NPAS3: variants seen among roughly 807,000 people sequenced by gnomAD.
NPAS3 encodes neuronal PAS domain protein 3, also known as neuronal PAS domain-containing protein 3.
Under a neutral mutation model 73.1 loss-of-function variants are expected in NPAS3, and 14 were observed. The ratio of observed to expected loss-of-function variants is 0.19; its 90% CI spans 0.13 to 0.30. NPAS3 has a LOEUF of 0.30. NPAS3 is among the 10% of genes least tolerant of loss of function. NPAS3 has a pLI of 1.00. For synonymous variants in NPAS3, 620 were observed against 541.5 expected (o/e 1.14, Z -2.01); for missense variants, 1,096 against 1,250.0 (o/e 0.88, Z 1.86).
intron 1 of NPAS3, among the ~76,000 whole-genome samples, chr14:33,009,776 G>T (rs374671503): frequency 6.6e-6 from 1 of 152,172 alleles, no homozygotes; most frequent in African/African-American, 2.4e-5. Context: ...AGAACATGTG[G>T]CTGGTGAGTG....
chr14:33,693,225 T>C (rs1035355360), intron 6 of NPAS3, among the ~76,000 whole-genome samples: 3 of 152,230 alleles, frequency 2.0e-5, no homozygotes, highest in African/African-American at 4.8e-5. Flanking sequence ...TTTGTTACCA[T>C]TGTTATTCCT....
chr14:33,561,321 G>A (rs970434402), intron 5 of NPAS3, among the ~76,000 whole-genome samples: 1 of 152,188 alleles, frequency 6.6e-6, no homozygotes, highest in South Asian at 2.1e-4. Context: ...GAAAATAATA[G>A]AGAGAGAGAT....
At chr14:33,274,907 T>C (rs1464802278) in intron 3 of NPAS3, among the ~76,000 whole-genome samples, 2 of 152,232 alleles carry the variant, frequency 1.3e-5, no homozygotes, top group Admixed American at 1.3e-4. Flanking sequence ...CTTTTATCAT[T>C]TCATTAGTTG....
At chr14:33,178,937 C>A (rs1386463152) in intron 2 of NPAS3, among the ~76,000 whole-genome samples, 7 of 152,140 alleles carry the variant, frequency 4.6e-5, no homozygotes, top group Non-Finnish European at 8.8e-5. Flanking sequence ...GAGTGTGATG[C>A]TAGCTGCACA....
intron 4 of NPAS3, among the ~76,000 whole-genome samples, chr14:33,449,175 G>A (rs1025297192): frequency 2.6e-5 from 4 of 151,926 alleles, no homozygotes; most frequent in African/African-American, 7.3e-5. Flanking sequence ...ACATTCACCC[G>A]AGTGATAAGG....
intron 3 of NPAS3, among the ~76,000 whole-genome samples, chr14:33,312,504 A>G (rs1011025707): frequency 1.3e-5 from 2 of 152,040 alleles, no homozygotes; most frequent in African/African-American, 4.8e-5. Flanking sequence ...ACTATGTTCC[A>G]ATTACCATTT....
intron 1 of NPAS3, among the ~76,000 whole-genome samples, chr14:33,025,261 C>A (rs1369275528): frequency 6.6e-6 from 1 of 152,126 alleles, no homozygotes; most frequent in Non-Finnish European, 1.5e-5. Context: ...GGTTGTAAGA[C>A]CTTGGGTAAG....
chr14:33,094,134 C>G (rs896754145), intron 2 of NPAS3, among the ~76,000 whole-genome samples: 1 of 151,872 alleles, frequency 6.6e-6, no homozygotes, highest in Non-Finnish European at 1.5e-5. Context: ...AAATTGCCCA[C>G]CACCTTACAA....
rs1262975464 is a variant in NPAS3 at position 33,552,934 on chromosome 14, T to A, written c.469-7187T>A. On this transcript the variant is annotated intron_variant, in intron 4 of 11. Coordinates refer to ENST00000356141, the Ensembl canonical transcript of NPAS3. Reference sequence around the variant, plus strand: ...TCAGTAATTTAACATACCACATGTGTGCACAGCAGATGTAGCATTGCAATG... The same window carrying A: ...TCAGTAATTTAACATACCACATGTGAGCACAGCAGATGTAGCATTGCAATG... Among the ~76,000 whole-genome samples, 4 of 152,232 alleles carry A rather than the reference T, an allele frequency of 2.6e-5. No individual in the cohort carries two copies. The East Asian group carries it at 7.7e-4, about 29-fold the overall frequency.
chr14:33,642,011 T>C (rs899442196), intron 5 of NPAS3, among the ~76,000 whole-genome samples: 1 of 152,184 alleles, frequency 6.6e-6, no homozygotes, highest in African/African-American at 2.4e-5. Context: ...GAGAGATTTA[T>C]GGTGTATGAT....
chr14:33,057,433 A>G (rs2040930743), intron 2 of NPAS3, among the ~76,000 whole-genome samples: 1 of 152,192 alleles, frequency 6.6e-6, no homozygotes, highest in Admixed American at 6.5e-5. Context: ...TTGTATAAGA[A>G]GAGGGTCCTT....
intron 4 of NPAS3, among the ~76,000 whole-genome samples, chr14:33,484,566 C>T (rs1012863193): frequency 2.0e-5 from 3 of 152,110 alleles, no homozygotes; most frequent in Non-Finnish European, 4.4e-5. Context: ...CACACCGAAT[C>T]CCCCACATTT....
chr14:33,383,692 T>G (rs1178622159), intron 4 of NPAS3, among the ~76,000 whole-genome samples: 1 of 152,204 alleles, frequency 6.6e-6, no homozygotes, highest in Non-Finnish European at 1.5e-5. Context: ...CAATTCCTTT[T>G]AAAGGCTTTG....
intron 3 of NPAS3, among the ~76,000 whole-genome samples, chr14:33,320,942 G>A (rs2043417234): frequency 6.6e-6 from 1 of 152,116 alleles, no homozygotes; most frequent in Non-Finnish European, 1.5e-5. Flanking sequence ...ACATCCTCCA[G>A]CCTCTCCAGC....
intron 4 of NPAS3, among the ~76,000 whole-genome samples, chr14:33,458,129 C>T (rs999437336): frequency 3.9e-5 from 6 of 152,174 alleles, no homozygotes; most frequent in African/African-American, 1.4e-4. Context: ...GTCCAAATTA[C>T]TTCAGTTTGC....
At chr14:33,680,165 CTTGGGATTA>C (rs1459343278) in intron 6 of NPAS3, among the ~76,000 whole-genome samples, 1 of 152,132 alleles carries the variant, frequency 6.6e-6, no homozygotes, top group Non-Finnish European at 1.5e-5. Flanking sequence ...ATTCTGCCAT[CTTGGGATTA>C]TGAGTACTAT....
intron 6 of NPAS3, among the ~76,000 whole-genome samples, chr14:33,680,051 T>C (rs1228735627): frequency 6.6e-6 from 1 of 152,242 alleles, no homozygotes; most frequent in Admixed American, 6.5e-5. Context: ...TTTGCTGTCC[T>C]GCAGGCTCCC....
At chr14:33,681,419 A>G (rs984668673) in intron 6 of NPAS3, among the ~76,000 whole-genome samples, 6 of 152,196 alleles carry the variant, frequency 3.9e-5, no homozygotes, top group Non-Finnish European at 8.8e-5. Flanking sequence ...CTGTATCTAC[A>G]GCACTTTCTG....
intron 3 of NPAS3, among the ~76,000 whole-genome samples, chr14:33,297,494 C>T (rs2042349118): frequency 6.6e-6 from 1 of 152,130 alleles, no homozygotes; most frequent in Non-Finnish European, 1.5e-5. Context: ...CTGTTACTCT[C>T]ATTTATTGTT....
Sources: allele counts gnomAD v4.1 joint callset (sites outside exome capture counted in the v4.1 genomes callset), GRCh38; gene constraint gnomAD v4.1.1; transcripts MANE v1.5; gene names NCBI Gene and HGNC (gene_info 2026-07-23, HGNC 2026-07-21).